Variants in BCL11B observed in about 807,000 individuals in gnomAD.
BCL11B encodes B-cell lymphoma/leukemia 11B.
BCL11B carries 8 observed loss-of-function variants against 49.9 expected under a neutral mutation model. The ratio of observed to expected loss-of-function variants is 0.16; its 90% CI spans 0.09 to 0.29. The LOEUF is 0.29. BCL11B is among the 10% of genes least tolerant of loss of function. The pLI is 1.00. For missense variants in BCL11B, 1,006 were observed against 1,351.0 expected, an observed-to-expected ratio of 0.74 and a Z score of 4.00; for synonymous variants, 739 against 637.4, an observed-to-expected ratio of 1.16 and a Z score of -2.40.
At chr14:99,196,082 A>G (rs1887170774) in intron 3 of BCL11B, among the ~76,000 whole-genome samples, 1 of 152,190 alleles carries the variant, frequency 6.6e-6, no homozygotes, top group African/African-American at 2.4e-5. Context: ...CGAGGCTTCG[A>G]GAGGGCAGCT....
intron 3 of BCL11B, among the ~76,000 whole-genome samples, chr14:99,212,844 C>A (rs807563): frequency 0.025 from 3,739 of 152,332 alleles, 162 homozygotes; most frequent in African/African-American, 0.085. Flanking sequence ...CAACCTCCCC[C>A]ACCTGCTTGG....
chr14:99,210,497 G>A (rs1887656187), intron 3 of BCL11B, among the ~76,000 whole-genome samples: 1 of 152,080 alleles, frequency 6.6e-6, no homozygotes, highest in African/African-American at 2.4e-5. Flanking sequence ...AGAAATCACC[G>A]AGAAGAGCTC....
chr14:99,271,145 C>T lies in BCL11B; in HGVS notation c.58+16G>A. 1 of 1,546,440 alleles carries T rather than the reference C, an allele frequency of 6.5e-7. No homozygotes were observed. The highest frequency in any genetic ancestry group is 8.7e-7 in the Non-Finnish European group (1 of 1,152,556). Reference sequence around the variant, plus strand: ...CCCCATCTCCGGCCCCTCGCGCGCACTCCGCAGACACTTACGGGTGATGAG... The same window carrying T: ...CCCCATCTCCGGCCCCTCGCGCGCATTCCGCAGACACTTACGGGTGATGAG... On this transcript the variant is annotated intron_variant, in intron 1 of 3. Coordinates refer to ENST00000357195, the MANE Select transcript of BCL11B (RefSeq NM_138576.4).
intron 3 of BCL11B, among the ~76,000 whole-genome samples, chr14:99,180,539 G>A (rs146146410): frequency 5.1e-4 from 78 of 152,236 alleles, no homozygotes; most frequent in African/African-American, 1.8e-3. Flanking sequence ...GTTCCCAGAA[G>A]GAGGAATTCA....
intron 3 of BCL11B, among the ~76,000 whole-genome samples, chr14:99,217,083 C>T (rs144939767): frequency 1.6e-3 from 240 of 152,242 alleles, no homozygotes; most frequent in African/African-American, 5.4e-3. Flanking sequence ...CACATGCACA[C>T]CCCCACATTC....
At chr14:99,204,285 C>T (rs191818997) in intron 3 of BCL11B, among the ~76,000 whole-genome samples, 1 of 152,266 alleles carries the variant, frequency 6.6e-6, no homozygotes, top group East Asian at 1.9e-4. Context: ...TCCAGGGGGT[C>T]TGGAATGAAG....
At chr14:99,185,163 G>A (rs184381180) in intron 3 of BCL11B, among the ~76,000 whole-genome samples, 26 of 152,274 alleles carry the variant, frequency 1.7e-4, no homozygotes, top group African/African-American at 6.0e-4. Flanking sequence ...GAGGACGGGC[G>A]CGGTGGCTCA....
chr14:99,183,915 G>A (rs1330375924), intron 3 of BCL11B, among the ~76,000 whole-genome samples: 1 of 151,954 alleles, frequency 6.6e-6, no homozygotes, highest in East Asian at 1.9e-4. Context: ...ACCCAGCACT[G>A]CCCCCACCCC....
At chr14:99,236,740 C>T (rs970200497) in intron 2 of BCL11B, among the ~76,000 whole-genome samples, 2 of 152,114 alleles carry the variant, frequency 1.3e-5, no homozygotes, top group Admixed American at 6.5e-5. Context: ...CAGCACAGGG[C>T]CTGGCCCGGG....
chr14:99,225,730 T>C (rs935462196), intron 3 of BCL11B, among the ~76,000 whole-genome samples: 1 of 152,194 alleles, frequency 6.6e-6, no homozygotes, highest in Non-Finnish European at 1.5e-5. Flanking sequence ...ACATCTTGTA[T>C]GGATTTGAAC....
intron 3 of BCL11B, among the ~76,000 whole-genome samples, chr14:99,199,687 C>CGCGCGCGCGCGCGCGCGCGT (rs1887306901): frequency 3.4e-5 from 2 of 58,848 alleles, no homozygotes; most frequent in African/African-American, 9.1e-5. Flanking sequence ...TGTGTGTGCG[C>CGCGCGCGCGCGCGCGCGCGT]GCGCGCGCGC....
Position 99,231,640 on chromosome 14 carries a change from T to C in BCL11B, c.428-83A>G, listed in dbSNP as rs554617129. ...ACGGGGTGGGACGGGGCTCGGGGCG[T>C]GGGGCTCTGCTCAGGCCACCCTTCG... is the stretch of plus-strand genomic sequence containing the variant. On this transcript the variant is annotated intron_variant, in intron 2 of 3. Transcript: ENST00000357195. This position sits in a 1 kb window ranked among gnomAD's most constrained non-coding sequence, Gnocchi z 8.1. The C allele has an allele frequency of 9.5e-6, 13 of 1,375,462 alleles. No individual in the cohort carries two copies. The East Asian group carries it at 2.9e-4, about 30-fold the overall frequency. 85.2% of individuals were successfully genotyped at this position (1,375,462 alleles called of 1,614,324 possible).
chr14:99,265,853 C>T (rs188308580), intron 1 of BCL11B, among the ~76,000 whole-genome samples: 2 of 152,352 alleles, frequency 1.3e-5, no homozygotes, highest in Admixed American at 1.3e-4. Context: ...AGCACTCTTT[C>T]CTGTCGCAGG....
At chr14:99,209,529 AG>A (rs1887628964) in intron 3 of BCL11B, among the ~76,000 whole-genome samples, 1 of 152,086 alleles carries the variant, frequency 6.6e-6, no homozygotes, top group African/African-American at 2.4e-5. Context: ...TGGGACAACC[AG>A]GGGAGAGAAG....
chr14:99,253,927 G>C (rs745936680), intron 2 of BCL11B, among the ~76,000 whole-genome samples: 4 of 152,218 alleles, frequency 2.6e-5, no homozygotes, highest in Non-Finnish European at 5.9e-5. Context: ...TAAAGACCCT[G>C]CCTCTGACCA....
At position 99,256,791 on chromosome 14, in the gene BCL11B, G is replaced by A. The variant is rs541194176; in HGVS notation, c.427+680C>T. Among the ~76,000 whole-genome samples, 16 of 152,260 alleles carry A rather than the reference G, an allele frequency of 1.1e-4. No homozygotes were observed. The East Asian group carries it at 2.1e-3, about 20-fold the overall frequency. On this transcript the variant is annotated intron_variant, in intron 2 of 3. Transcript: ENST00000357195. ...GTCAAATGAGTGAGCATGTCAAAGGGCATATCCAACCTCCCCCAACGGGCA... is the reference window on the plus strand; with the variant it reads ...GTCAAATGAGTGAGCATGTCAAAGGACATATCCAACCTCCCCCAACGGGCA...
Position 99,232,440 on chromosome 14 carries a change from C to T in BCL11B, c.428-883G>A, listed in dbSNP as rs1483722052. 1.3e-5 allele frequency among the ~76,000 whole-genome samples: 2 copies of T among 152,198 alleles called. No homozygotes were observed. The highest frequency in any genetic ancestry group is 2.9e-5 in the Non-Finnish European group (2 of 68,030). ...TTGCCAAAACCACAAGTGAAGAAGC[C>T]CAAATTCCCTGGGTAAATAATTGAG... is the stretch of plus-strand genomic sequence containing the variant. On this transcript the variant is annotated intron_variant, in intron 2 of 3. Coordinates refer to ENST00000357195, the MANE Select transcript of BCL11B (RefSeq NM_138576.4). The surrounding 1 kb of genome is among the most constrained non-coding windows in gnomAD (Gnocchi z 5.1).
intron 3 of BCL11B, among the ~76,000 whole-genome samples, chr14:99,193,963 G>A (rs553916254): frequency 9.8e-5 from 15 of 152,296 alleles, no homozygotes; most frequent in Admixed American, 2.0e-4. Context: ...TCCAGCCAAT[G>A]AGATCCGGCC....
chr14:99,189,047 G>A (rs1886945617), intron 3 of BCL11B, among the ~76,000 whole-genome samples: 2 of 152,232 alleles, frequency 1.3e-5, no homozygotes, highest in South Asian at 2.1e-4. Flanking sequence ...GCGCTTCCCC[G>A]GGGGATTTTG....
Sources: gnomAD v4.1 joint callset for allele counts (sites outside exome capture counted in the v4.1 genomes callset) on GRCh38, gnomAD v4.1.1 for gene constraint, Gnocchi (gnomAD v3.1) non-coding constraint, MANE v1.5 for transcripts, NCBI Gene and HGNC (gene_info 2026-07-23, HGNC 2026-07-21) for gene names.